The following MOB1B variants were observed in gnomAD, a reference collection of about 807,000 sequenced individuals.
MOB1B encodes the protein MOB kinase activator 1B, also known as MOB1 Mps One Binder homolog B.
A neutral mutation model predicts 24.4 loss-of-function variants in MOB1B; 19 were observed. The ratio of observed to expected loss-of-function variants is 0.78; its 90% CI spans 0.54 to 1.14. The LOEUF is 1.14. Among genes scored for constraint, MOB1B ranks in the 50% most tolerant of loss-of-function variants. The pLI is 0.00. For synonymous variants in MOB1B, 76 were observed against 82.1 expected, an observed-to-expected ratio of 0.93 and a Z score of 0.40; for missense variants, 243 against 259.6, an observed-to-expected ratio of 0.94 and a Z score of 0.44.
At chr4:70,964,643 G>T (rs2148896744) in intron 2 of MOB1B, among the ~76,000 whole-genome samples, 1 of 152,222 alleles carries the variant, frequency 6.6e-6, no homozygotes, top group South Asian at 2.1e-4. Flanking sequence ...AGTTAAAAGA[G>T]GTGAGGCCGG....
intron 1 of MOB1B, among the ~76,000 whole-genome samples, chr4:70,929,969 G>A (rs943305693): frequency 1.3e-5 from 2 of 152,006 alleles, no homozygotes; most frequent in African/African-American, 4.8e-5. Flanking sequence ...TGCCCAGGGT[G>A]GTCTTGAAGT....
chr4:70,931,436 A>C (rs966180775), intron 1 of MOB1B, among the ~76,000 whole-genome samples: 1 of 152,282 alleles, frequency 6.6e-6, no homozygotes, highest in Middle Eastern at 3.4e-3. Context: ...ATAAAATAAC[A>C]GTTTTTATTT....
chr4:70,906,229 T>A (rs1330209649), intron 1 of MOB1B, among the ~76,000 whole-genome samples: 1 of 151,960 alleles, frequency 6.6e-6, no homozygotes, highest in African/African-American at 2.4e-5. Flanking sequence ...ATAAAAAAAA[T>A]TAGCCGGGCG....
chr4:70,974,181 C>T (rs1045853207), intron 3 of MOB1B, among the ~76,000 whole-genome samples: 68 of 151,492 alleles, frequency 4.5e-4, no homozygotes, highest in African/African-American at 1.5e-3. Flanking sequence ...TTTTTTGAGA[C>T]GGAGTCTCAC....
intron 2 of MOB1B, among the ~76,000 whole-genome samples, chr4:70,968,156 CTTT>C (rs1211951973): frequency 6.6e-6 from 1 of 151,768 alleles, no homozygotes. Flanking sequence ...GGCCTATGCT[CTTT>C]TTAAGAAATT....
At chr4:70,902,270 G>A (rs1735537017), upstream of MOB1B, 1 of 576,882 alleles carries the variant, frequency 1.7e-6, no homozygotes, top group Non-Finnish European at 3.1e-6. Flanking sequence ...CGGGGAGCTG[G>A]GGAGGGGCTC....
At chr4:70,962,739 C>T (rs2148895906) in intron 2 of MOB1B, among the ~76,000 whole-genome samples, 1 of 152,250 alleles carries the variant, frequency 6.6e-6, no homozygotes, top group Non-Finnish European at 1.5e-5. Flanking sequence ...TGGCTCACGT[C>T]TGTAATCCCA....
chr4:70,926,263 C>T (rs1024746971), intron 1 of MOB1B, among the ~76,000 whole-genome samples: 1 of 149,122 alleles, frequency 6.7e-6, no homozygotes, highest in Non-Finnish European at 1.5e-5. Flanking sequence ...GGATTACAGC[C>T]ATTTTTTTTT....
At chr4:70,930,848 AC>A (rs1736863147) in intron 1 of MOB1B, among the ~76,000 whole-genome samples, 1 of 151,950 alleles carries the variant, frequency 6.6e-6, no homozygotes, top group East Asian at 1.9e-4. Context: ...CAGAGTCGAA[AC>A]CCATTCTAGG....
chr4:70,913,310 A>G (rs1019800727), intron 1 of MOB1B, among the ~76,000 whole-genome samples: 12 of 151,414 alleles, frequency 7.9e-5, no homozygotes, highest in African/African-American at 2.9e-4. Context: ...GTATCTATGT[A>G]TTTTTTGGGA....
At chr4:70,972,030 G>A (rs1476659225) in intron 3 of MOB1B, among the ~76,000 whole-genome samples, 7 of 144,494 alleles carry the variant, frequency 4.8e-5, no homozygotes, top group Admixed American at 2.1e-4. Context: ...GGGGAGAATC[G>A]TGACATTTCC....
intron 4 of MOB1B, among the ~76,000 whole-genome samples, chr4:70,977,740 G>A (rs531712941): frequency 6.6e-6 from 1 of 151,896 alleles, no homozygotes; most frequent in African/African-American, 2.4e-5. Context: ...TGCCAAGGCT[G>A]GAGTTCAGTG....
At chr4:70,956,960 T>C (rs996052685) in intron 1 of MOB1B, among the ~76,000 whole-genome samples, 2 of 152,098 alleles carry the variant, frequency 1.3e-5, no homozygotes, top group African/African-American at 4.8e-5. Flanking sequence ...CCTCAGATGA[T>C]TATAGTAATG....
At chr4:70,956,195 T>C (rs1738042609) in intron 1 of MOB1B, among the ~76,000 whole-genome samples, 1 of 152,202 alleles carries the variant, frequency 6.6e-6, no homozygotes, top group Admixed American at 6.5e-5. Flanking sequence ...CACTGGAAAG[T>C]CGCTGAGTTG....
chr4:70,969,658 A>G (rs905730715), intron 2 of MOB1B, among the ~76,000 whole-genome samples: 1 of 152,118 alleles, frequency 6.6e-6, no homozygotes, highest in Non-Finnish European at 1.5e-5. Context: ...ATTGATCTAT[A>G]TGAGTTCTTT....
chr4:70,904,752 C>CT (rs1330062473), intron 1 of MOB1B, among the ~76,000 whole-genome samples: 3 of 133,378 alleles, frequency 2.2e-5, no homozygotes, highest in East Asian at 2.1e-4. Flanking sequence ...GAGTGAGACT[C>CT]TGTCTCAAAA....
intron 2 of MOB1B, among the ~76,000 whole-genome samples, chr4:70,967,920 T>C (rs907272858): frequency 5.1e-4 from 77 of 152,152 alleles, no homozygotes; most frequent in Admixed American, 5.0e-3. Flanking sequence ...CTTTGAACTT[T>C]CCTGGCTCAA....
At chr4:70,921,941 C>T (rs2148873684) in intron 1 of MOB1B, among the ~76,000 whole-genome samples, 1 of 152,336 alleles carries the variant, frequency 6.6e-6, no homozygotes, top group East Asian at 1.9e-4. Context: ...ACTTTTCCCA[C>T]ATCTTTCTCC....
chr4:70,939,547 T>G (rs1010572251), intron 1 of MOB1B, among the ~76,000 whole-genome samples: 3 of 152,034 alleles, frequency 2.0e-5, no homozygotes, highest in African/African-American at 7.2e-5. Context: ...CCAGGCATGG[T>G]GGCGCACACC....
Sources: gnomAD v4.1 joint callset for allele counts (sites outside exome capture counted in the v4.1 genomes callset) on GRCh38, gnomAD v4.1.1 for gene constraint, MANE v1.5 for transcripts, NCBI Gene and HGNC (gene_info 2026-07-23, HGNC 2026-07-21) for gene names.